Variants in CCDC134 observed in about 807,000 individuals in gnomAD.
CCDC134 encodes coiled-coil domain-containing protein 134.
In CCDC134, 27 loss-of-function variants were observed where a neutral mutation model predicts 25.6. The ratio of observed to expected loss-of-function variants is 1.05; its 90% CI spans 0.78 to 1.45. The LOEUF (loss-of-function observed/expected upper bound fraction) is 1.45. CCDC134 is among the 40% of genes most tolerant of loss of function. CCDC134 has a pLI of 0.00. For synonymous variants in CCDC134, 110 were observed against 115.0 expected (o/e 0.96, Z 0.28); for missense variants, 261 against 286.7 (o/e 0.91, Z 0.65).
In CCDC134 at chr22:41,826,916, TC is replaced by T. The variant is rs1308284443; in HGVS notation, c.*1097del. Reference sequence around the variant, plus strand: ...AAGGAGCAGAGAAAACCATCCCAGATCCCCTCGACACCCAGCCCCCTACCAC... The same window carrying T: ...AAGGAGCAGAGAAAACCATCCCAGATCCCTCGACACCCAGCCCCCTACCAC... On this transcript the variant is annotated 3_prime_UTR_variant, in exon 7 of 7. Transcript: ENST00000255784. Among the ~76,000 whole-genome samples the T allele has an allele frequency of 6.6e-6, 1 of 152,122 alleles. No homozygotes were observed. Among genetic ancestry groups the T allele is most frequent in the Non-Finnish European group, 1.5e-5 (1 of 68,010 alleles).
At chr22:41,801,482 T>C (rs1296234242) in intron 1 of CCDC134, among the ~76,000 whole-genome samples, 3 of 152,148 alleles carry the variant, frequency 2.0e-5, no homozygotes, top group African/African-American at 4.8e-5. Flanking sequence ...AAACAGACAC[T>C]TGGTTCAGCC....
chr22:41,801,928 G>T (rs182937376), intron 1 of CCDC134, among the ~76,000 whole-genome samples: 1 of 152,172 alleles, frequency 6.6e-6, no homozygotes, highest in South Asian at 2.1e-4. Context: ...AGGATTACAT[G>T]ATTATTTTGA....
rs1426505933 is a variant in CCDC134 at position 41,830,550 on chromosome 22, G to A, written c.*4727G>A. Reference sequence around the variant, plus strand: ...AGGTGGCACCTTCCTGCTCAGTGCTGTGTCCAGAGCAGGGTTTAGTTTTCT... The same window carrying A: ...AGGTGGCACCTTCCTGCTCAGTGCTATGTCCAGAGCAGGGTTTAGTTTTCT... On this transcript the variant is annotated 3_prime_UTR_variant, in exon 7 of 7. Coordinates refer to ENST00000255784, the MANE Select transcript of CCDC134 (RefSeq NM_024821.5). 2.6e-5 allele frequency among the ~76,000 whole-genome samples: 4 copies of A among 152,240 alleles called. No homozygotes were observed. Among genetic ancestry groups the A allele is most frequent in the South Asian group, 2.1e-4 (1 of 4,834 alleles).
intron 6 of CCDC134, among the ~76,000 whole-genome samples, chr22:41,818,177 C>G (rs1425013529): frequency 6.6e-6 from 1 of 152,194 alleles, no homozygotes; most frequent in Admixed American, 6.5e-5. Flanking sequence ...CCAGAGTCCC[C>G]TCCAAGTAGA....
Position 41,808,916 on chromosome 22 carries a change from TC to T in CCDC134, c.28del (p.Leu10SerfsTer15). On this transcript the variant is annotated frameshift_variant, in exon 2 of 7. Transcript: ENST00000255784. LOFTEE classifies it high-confidence loss of function. ...ATGGACCTTCTTCAATTCCTGGCCT[TC>T]CTCTTTGTCCTGCTTTTGTCTGGGA... MDLLQFLA[F>X]LFVLLLSGMG... 6.2e-7 allele frequency: 1 copy of T among 1,614,208 alleles called. No individual in the cohort carries two copies. Among genetic ancestry groups the T allele is most frequent in the South Asian group, 1.1e-5 (1 of 91,078 alleles).
intron 6 of CCDC134, among the ~76,000 whole-genome samples, chr22:41,822,623 G>A (rs1387618562): frequency 6.6e-6 from 1 of 152,216 alleles, no homozygotes; most frequent in African/African-American, 2.4e-5. Context: ...GACCCGGCTA[G>A]GTTAGGCTGA....
intron 1 of CCDC134, among the ~76,000 whole-genome samples, chr22:41,805,047 C>T (rs1470198928): frequency 6.6e-6 from 1 of 152,042 alleles, no homozygotes; most frequent in Middle Eastern, 3.4e-3. Flanking sequence ...CCAGCCTGAG[C>T]AACAGAGTGA....
intron 6 of CCDC134, among the ~76,000 whole-genome samples, chr22:41,817,261 G>A (rs1262182969): frequency 6.6e-6 from 1 of 152,124 alleles, no homozygotes; most frequent in Non-Finnish European, 1.5e-5. Flanking sequence ...ATGCCAAGTA[G>A]AATGATATGT....
At chr22:41,817,188 T>C (rs114068947) in intron 6 of CCDC134, among the ~76,000 whole-genome samples, 1 of 152,166 alleles carries the variant, frequency 6.6e-6, no homozygotes, top group African/African-American at 2.4e-5. Flanking sequence ...GAGACTCAGG[T>C]AGTTGAACCA....
In CCDC134 at chr22:41,828,581, C is replaced by G. The variant is rs1471679065; in HGVS notation, c.*2758C>G. On this transcript the variant is annotated 3_prime_UTR_variant, in exon 7 of 7. Coordinates refer to ENST00000255784, the MANE Select transcript of CCDC134 (RefSeq NM_024821.5). ...AATAGAACTACTCCACTCGCTCCCTCTCTCCCTCCCTTTACTGCCACTATT... is the reference window on the plus strand; with the variant it reads ...AATAGAACTACTCCACTCGCTCCCTGTCTCCCTCCCTTTACTGCCACTATT... 6.6e-6 allele frequency among the ~76,000 whole-genome samples: 1 copy of G among 152,186 alleles called. No homozygotes were observed. Among genetic ancestry groups the G allele is most frequent in the East Asian group, 1.9e-4 (1 of 5,192 alleles).
chr22:41,813,811 G>T lies in CCDC134; in HGVS notation c.553G>T (p.Asp185Tyr). ...DSNFQNPFKI[D>Y]RTEFIPSTDP... ...CAACTTCCAGAACCCATTTAAAATC[G>T]ACCGCACAGAGGTGAGCTGCCAGGG... The change falls in exon 6 of 7, where the codon GAC becomes TAC. Residue 185 changes from aspartate (D) to tyrosine (Y), a missense_variant. By Grantham distance (160) the Asp-to-Tyr change is radical (BLOSUM62 -3). Coordinates refer to ENST00000255784, the MANE Select transcript of CCDC134 (RefSeq NM_024821.5). 4 of 1,614,062 alleles carry T rather than the reference G, an allele frequency of 2.5e-6. No homozygotes were observed. Among genetic ancestry groups the T allele is most frequent in the South Asian group, 2.2e-5 (2 of 91,016 alleles).
Position 41,808,987 on chromosome 22 carries a change from G to C in CCDC134, c.97G>C (p.Glu33Gln). The C allele has an allele frequency of 6.2e-7, 1 of 1,612,950 alleles. No homozygotes were observed. The highest frequency in any genetic ancestry group is 8.5e-7 in the Non-Finnish European group (1 of 1,178,968). ...GAGGACCTCCCTGGACCCAAGCCTG[G>C]AGATCTGTATCCTTTGGGGTTGTAG... ...TLRTSLDPSL[E>Q]IYKKMFEVKR... is the part of the protein sequence containing the mutation. Residue 33 changes from glutamate (E) to glutamine (Q), a missense_variant, in exon 2 of 7, where the codon GAG (glutamate) becomes CAG (glutamine). Transcript: ENST00000255784.
At chr22:41,808,808 T>G in intron 1 of CCDC134, 67 bp from the exon 2 acceptor site, 1 of 1,262,578 alleles carries the variant, frequency 7.9e-7, no homozygotes, top group South Asian at 1.2e-5. Context: ...GCTGTTCACC[T>G]GTGCACTCTA....
At chr22:41,823,699 C>A (rs944418166) in intron 6 of CCDC134, among the ~76,000 whole-genome samples, 1 of 152,254 alleles carries the variant, frequency 6.6e-6, no homozygotes, top group Non-Finnish European at 1.5e-5. Context: ...GAGGAACCAA[C>A]CCTGGACAGG....
rs371255438 is a variant in CCDC134 at position 41,813,706 on chromosome 22, G to C, written c.493-45G>C. Reference sequence around the variant, plus strand: ...GAAGGAATGACTCTCTGGTGAGCAGGACTCAGGAGAAGGCAGATGATGACT... The same window carrying C: ...GAAGGAATGACTCTCTGGTGAGCAGCACTCAGGAGAAGGCAGATGATGACT... On this transcript the variant is annotated intron_variant, in intron 5 of 6. Coordinates refer to ENST00000255784, the MANE Select transcript of CCDC134 (RefSeq NM_024821.5). 77 of 1,573,514 alleles carry C rather than the reference G, an allele frequency of 4.9e-5. No individual in the cohort carries two copies. The East Asian group carries it at 1.6e-3, about 33-fold the overall frequency.
chr22:41,811,898 G>A (rs531362462), intron 4 of CCDC134, among the ~76,000 whole-genome samples: 109 of 152,270 alleles, frequency 7.2e-4, no homozygotes, highest in African/African-American at 2.6e-3. Flanking sequence ...ATACCTTGGT[G>A]TGCACGGGTC....
Position 41,825,923 on chromosome 22 carries a change from C to T in CCDC134, c.*100C>T. ...GGTGGAGAGCACCAGCTAGCCCCTT[C>T]CAGAAGGGGAGGCCACATTTGCCCG... On this transcript the variant is annotated 3_prime_UTR_variant, in exon 7 of 7. Transcript: ENST00000255784. The surrounding 1 kb of genome is among the most constrained non-coding windows in gnomAD (Gnocchi z 4.4). 6.6e-7 allele frequency: 1 copy of T among 1,512,796 alleles called. No homozygotes were observed. Among genetic ancestry groups the T allele is most frequent in the East Asian group, 2.3e-5 (1 of 43,696 alleles). The allele number at this position is 1,512,796 out of a possible 1,614,324, so 93.7% of individuals were successfully genotyped here.
chr22:41,811,107 G>A (rs981233479), intron 4 of CCDC134, among the ~76,000 whole-genome samples: 3 of 152,110 alleles, frequency 2.0e-5, no homozygotes, highest in African/African-American at 7.2e-5. Flanking sequence ...TGCTGGTGAG[G>A]GCTGCCTGGG....
chr22:41,816,280 G>C (rs1431542778), intron 6 of CCDC134, among the ~76,000 whole-genome samples: 1 of 152,196 alleles, frequency 6.6e-6, no homozygotes, highest in East Asian at 1.9e-4. Flanking sequence ...TTCAGCCTCA[G>C]TTGCCTACAT....
Sources: allele counts gnomAD v4.1 joint callset (sites outside exome capture counted in the v4.1 genomes callset), GRCh38; gene constraint gnomAD v4.1.1; non-coding constraint Gnocchi (gnomAD v3.1); transcripts MANE v1.5; gene names NCBI Gene and HGNC (gene_info 2026-07-23, HGNC 2026-07-21).